CD6: variants seen among roughly 807,000 people sequenced by gnomAD.
CD6 encodes the protein CD6 molecule, also known as T-cell differentiation antigen CD6.
In CD6, 53 loss-of-function variants were observed where a neutral mutation model predicts 75.3. The observed-to-expected ratio is 0.70, with a 90% CI of 0.56 to 0.88. The LOEUF (loss-of-function observed/expected upper bound fraction) is 0.88, where lower values mean the gene tolerates loss of function less well. CD6 is among the 40% of genes least tolerant of loss of function. CD6 has a pLI of 0.00. For synonymous variants in CD6, 359 were observed against 381.5 expected, an observed-to-expected ratio of 0.94 and a Z score of 0.69; for missense variants, 770 against 897.1, an observed-to-expected ratio of 0.86 and a Z score of 1.81.
At chr11:60,979,616 C>T (rs1315682511) in intron 1 of CD6, among the ~76,000 whole-genome samples, 2 of 152,094 alleles carry the variant, frequency 1.3e-5, no homozygotes, top group Non-Finnish European at 2.9e-5. Flanking sequence ...TAGGCACCCA[C>T]CACCATGCCC....
chr11:61,003,784 G>C (rs1028779958), intron 1 of CD6, among the ~76,000 whole-genome samples: 1 of 152,168 alleles, frequency 6.6e-6, no homozygotes, highest in African/African-American at 2.4e-5. Context: ...CTTCCATTCG[G>C]CCCTCTGTGA....
intron 1 of CD6, among the ~76,000 whole-genome samples, chr11:60,993,770 C>T (rs143390040): frequency 3.4e-3 from 522 of 152,232 alleles, no homozygotes; most frequent in Non-Finnish European, 6.2e-3. Flanking sequence ...TCGATCATCC[C>T]GCTCACACTC....
At chr11:60,982,532 T>G (rs1015262958) in intron 1 of CD6, 1 of 454,350 alleles carries the variant, frequency 2.2e-6, no homozygotes, top group Admixed American at 2.4e-5. Flanking sequence ...GAGACAGAGC[T>G]GAGGAAGCCC....
At chr11:61,017,655 T>G (rs1298958808) in intron 10 of CD6, 104 bp from the exon 11 acceptor site, 14 of 1,584,644 alleles carry the variant, frequency 8.8e-6, no homozygotes, top group African/African-American at 1.3e-5. Context: ...GAGTCTTTCC[T>G]GACTTTCACA....
At chr11:60,979,926 A>C (rs1857500723) in intron 1 of CD6, among the ~76,000 whole-genome samples, 2 of 152,222 alleles carry the variant, frequency 1.3e-5, no homozygotes, top group Admixed American at 1.3e-4. Flanking sequence ...AACAGGCACA[A>C]TCCAGTGACA....
Position 60,978,659 on chromosome 11 carries a change from C to A in CD6, c.49+6745C>A, listed in dbSNP as rs1386449176. 5.3e-5 allele frequency among the ~76,000 whole-genome samples: 8 copies of A among 152,130 alleles called. No homozygotes were observed. In the South Asian group the frequency reaches 1.5e-3, roughly 28 times the overall value. The stretch of plus-strand genomic sequence containing the variant: ...TTATGGAGCAGGGCATCTGGCTGTA[C>A]GCAGCAGAGACCCAGCCACTAGACA... On this transcript the variant is annotated intron_variant, in intron 1 of 12. Transcript: ENST00000313421.
chr11:61,009,491 CT>C, intron 4 of CD6, 80 bp from the exon 5 acceptor site: 1 of 1,289,990 alleles, frequency 7.8e-7, no homozygotes, highest in Non-Finnish European at 1.0e-6. Flanking sequence ...GCATTGGTGC[CT>C]GCACTGGTGG....
At chr11:60,991,799 A>G (rs1047529454) in intron 1 of CD6, among the ~76,000 whole-genome samples, 4 of 150,028 alleles carry the variant, frequency 2.7e-5, no homozygotes, top group African/African-American at 4.9e-5. Context: ...CCTCCTCAGT[A>G]GCTAGAATTA....
chr11:60,979,049 A>G (rs1857468013), intron 1 of CD6, among the ~76,000 whole-genome samples: 1 of 152,210 alleles, frequency 6.6e-6, no homozygotes, highest in Non-Finnish European at 1.5e-5. Context: ...TAGATGAGGA[A>G]ACTGAGGTTT....
intron 6 of CD6, among the ~76,000 whole-genome samples, chr11:61,012,323 CGGCCCTT>C (rs1256844356): frequency 6.6e-6 from 1 of 152,204 alleles, no homozygotes; most frequent in African/African-American, 2.4e-5. Context: ...GACCACACCC[CGGCCCTT>C]GGTCCATCAG....
chr11:61,019,125 G>A (rs752690690), intron 12 of CD6, 129 bp from the exon 13 acceptor site: 28 of 645,250 alleles, frequency 4.3e-5, no homozygotes, highest in Non-Finnish European at 6.6e-5. Flanking sequence ...CCGGAAGCAA[G>A]ATGATCAGAT....
At chr11:60,972,511 C>T (rs1201434351) in intron 1 of CD6, among the ~76,000 whole-genome samples, 1 of 152,308 alleles carries the variant, frequency 6.6e-6, no homozygotes, top group East Asian at 1.9e-4. Context: ...GGCACCTGGC[C>T]ACCTGGGCCA....
Position 61,009,824 on chromosome 11 carries a change from A to G in CD6, c.1034A>G (p.Asn345Ser). The change falls in exon 5 of 13, where the codon AAC becomes AGC. Residue 345 changes from asparagine (N) to serine (S), a missense_variant. Transcript: ENST00000313421. The part of the protein sequence containing the change: ...LTLSNCSWRF[N>S]NSNLCSQSLA... ...CTCTCCAACTGCTCCTGGCGGTTCA[A>G]CAACTCCAACCTCTGCAGCCAGTCG... The G allele has an allele frequency of 3.1e-6, 5 of 1,592,460 alleles. No homozygotes were observed. The highest frequency in any genetic ancestry group is 4.3e-6 in the Non-Finnish European group (5 of 1,167,858).
intron 1 of CD6, among the ~76,000 whole-genome samples, chr11:60,972,217 A>T (rs984579438): frequency 3.0e-4 from 45 of 151,844 alleles, no homozygotes; most frequent in African/African-American, 1.0e-3. Flanking sequence ...AAGCTCAGGA[A>T]CTCCCCCATT....
At chr11:60,998,961 C>T (rs1302681784) in intron 1 of CD6, among the ~76,000 whole-genome samples, 1 of 151,896 alleles carries the variant, frequency 6.6e-6, no homozygotes, top group Non-Finnish European at 1.5e-5. Context: ...GAGTTCGAGA[C>T]CAGCCTGGCC....
Position 61,020,029 on chromosome 11 carries a change from T to C in CD6, c.*711T>C. The C allele has an allele frequency of 2.5e-6, 1 of 397,458 alleles. No individual in the cohort carries two copies. Among genetic ancestry groups the C allele is most frequent in the Non-Finnish European group, 4.4e-6 (1 of 225,870 alleles). 24.6% of individuals were successfully genotyped at this position (397,458 alleles called of 1,614,324 possible). Reference sequence around the variant, plus strand: ...CCAGGGGCACAGACCAGTTCTGCAGTGACTGTCCCTGGACAATGGGTCTTT... The same window carrying C: ...CCAGGGGCACAGACCAGTTCTGCAGCGACTGTCCCTGGACAATGGGTCTTT... On this transcript the variant is annotated 3_prime_UTR_variant, in exon 13 of 13. Transcript: ENST00000313421.
At chr11:61,002,087 G>T (rs1858610755) in intron 1 of CD6, among the ~76,000 whole-genome samples, 1 of 152,120 alleles carries the variant, frequency 6.6e-6, no homozygotes, top group Non-Finnish European at 1.5e-5. Context: ...TCTCTTCTCT[G>T]CATCTTGCTT....
intron 4 of CD6, 77 bp from the exon 5 acceptor site, chr11:61,009,495 A>G: frequency 7.6e-7 from 1 of 1,324,350 alleles, no homozygotes; most frequent in Middle Eastern, 2.7e-4. Flanking sequence ...TGGTGCCTGC[A>G]CTGGTGGGTC....
intron 12 of CD6, 158 bp from the exon 13 acceptor site, chr11:61,019,096 G>A: frequency 1.7e-6 from 1 of 605,048 alleles, no homozygotes; most frequent in Non-Finnish European, 3.0e-6. Flanking sequence ...CAGTGCTGAT[G>A]TTCTAGTCAG....
Sources: gnomAD v4.1 joint callset for allele counts (sites outside exome capture counted in the v4.1 genomes callset) on GRCh38, gnomAD v4.1.1 for gene constraint, MANE v1.5 for transcripts, NCBI Gene and HGNC (gene_info 2026-07-23, HGNC 2026-07-21) for gene names.